The following BMP4 variants were observed in gnomAD, a reference collection of about 807,000 sequenced individuals.
BMP4 encodes the protein bone morphogenetic protein 2B.
Under a neutral mutation model 29.6 loss-of-function variants are expected in BMP4, and 3 were observed. The observed-to-expected ratio is 0.10, with a 90% CI of 0.05 to 0.26. BMP4 has a LOEUF of 0.26. Ranked by LOEUF, BMP4 falls within the 10% of genes least tolerant of loss-of-function variation. The probability of loss-of-function intolerance (pLI) is 1.00; values close to 1 mark genes in which losing one functional copy is unlikely to be tolerated. For synonymous variants in BMP4, 197 were observed against 213.2 expected, an observed-to-expected ratio of 0.92 and a Z score of 0.66; for missense variants, 455 against 550.2, an observed-to-expected ratio of 0.83 and a Z score of 1.73.
rs1424874116 is a variant in BMP4 at position 53,954,883 on chromosome 14, C to G, written c.-132-1483G>C. ...TCCGGAGCTCAAGAACTCGGGTTGC[C>G]TGCCGCCCCACTCTCCACGCACATA... is the stretch of plus-strand genomic sequence containing the variant. On this transcript the variant is annotated intron_variant, in intron 1 of 3. Transcript: ENST00000245451. This position sits in a 1 kb window ranked among gnomAD's most constrained non-coding sequence, Gnocchi z 4.8. Among the ~76,000 whole-genome samples the G allele has an allele frequency of 3.3e-5, 5 of 152,206 alleles. No individual in the cohort carries two copies. The highest frequency in any genetic ancestry group is 3.3e-4 in the Admixed American group (5 of 15,284).
intron 2 of BMP4, 64 bp from the exon 3 acceptor site, chr14:53,952,293 A>G (rs1203077538): frequency 1.2e-5 from 19 of 1,569,512 alleles, no homozygotes; most frequent in Non-Finnish European, 1.5e-5. Context: ...AGGGAGAAAT[A>G]GAGATGTGTC....
Position 53,950,451 on chromosome 14 carries a change from G to A in BMP4, c.808C>T (p.Pro270Ser). Residue 270 changes from proline (P) to serine (S), a missense_variant, in exon 4 of 4, where the codon CCC (proline) becomes TCC (serine). This residue lies in a region of BMP4 where 154 missense variants were observed against 156.8 expected (regional missense o/e 0.98). Coordinates refer to ENST00000245451, the MANE Select transcript of BMP4 (RefSeq NM_001202.6). The surrounding 1 kb of genome is among the most constrained non-coding windows in gnomAD (Gnocchi z 5.4). ...TCATGGCCAAAGGTGACCAGGAGGG[G>A]CCGGAGCTGGGCCCAATTCCCACTC... ...QGSGNWAQLR[P>S]LLVTFGHDGR... 2 of 1,613,880 alleles carry A rather than the reference G, an allele frequency of 1.2e-6. No homozygotes were observed. The highest frequency in any genetic ancestry group is 8.5e-7 in the Non-Finnish European group (1 of 1,180,048).
In BMP4 at chr14:53,950,680, C is replaced by A; in HGVS notation, c.579G>T (p.Gly193=). ...TGTCCAGTAGTCGTGTGATGAGGTGCCCAGGCACCACTTCTGCTGGGGGCT... is the reference window on the plus strand; with the variant it reads ...TGTCCAGTAGTCGTGTGATGAGGTGACCAGGCACCACTTCTGCTGGGGGCT... ...VMKPPAEVVP[G]HLITRLLDTR... is the part of the protein sequence containing the mutation. Residue 193 remains glycine (G), a synonymous_variant, in exon 4 of 4, where the codon GGG becomes GGT. Coordinates refer to ENST00000245451, the MANE Select transcript of BMP4 (RefSeq NM_001202.6). This position sits in a 1 kb window ranked among gnomAD's most constrained non-coding sequence, Gnocchi z 5.4. 6.2e-7 allele frequency: 1 copy of A among 1,614,250 alleles called. No homozygotes were observed. Among genetic ancestry groups the A allele is most frequent in the Non-Finnish European group, 8.5e-7 (1 of 1,180,052 alleles).
Position 53,950,119 on chromosome 14 carries a change from G to A in BMP4, c.1140C>T (p.Ala380=). ...ACTCATCCAGGTACAGCATGGAGATGGCACTCAGTTCAGTGGGCACACAAC... is the reference window on the plus strand; with the variant it reads ...ACTCATCCAGGTACAGCATGGAGATAGCACTCAGTTCAGTGGGCACACAAC... ...KACCVPTELS[A]ISMLYLDEYD... Residue 380 remains alanine (A), a synonymous_variant, in exon 4 of 4, where the codon GCC becomes GCT. Coordinates refer to ENST00000245451, the MANE Select transcript of BMP4 (RefSeq NM_001202.6). The surrounding 1 kb of genome is among the most constrained non-coding windows in gnomAD (Gnocchi z 5.4). 2 of 1,614,138 alleles carry A rather than the reference G, an allele frequency of 1.2e-6. No homozygotes were observed. Among genetic ancestry groups the A allele is most frequent in the Middle Eastern group, 1.6e-4 (1 of 6,062 alleles).
rs886050541 is a variant in BMP4, at chr14:53,951,935, T to C, written c.288A>G (p.Glu96=). The part of the protein sequence containing the change: ...LYRLQSGEEE[E]EQIHSTGLEY... ...CAAGACCAGTGCTGTGGATCTGCTC[T>C]TCCTCCTCCTCCCCAGACTGAAGCC... Residue 96 remains glutamate, a synonymous_variant, in exon 3 of 4, where the codon GAA becomes GAG. Transcript: ENST00000245451. The C allele has an allele frequency of 1.9e-6, 3 of 1,607,322 alleles. No homozygotes were observed. The highest frequency in any genetic ancestry group is 2.5e-6 in the Non-Finnish European group (3 of 1,179,984).
chr14:53,952,268 T>C lies in BMP4; in HGVS notation c.-7-39A>G, dbSNP rs2761880. 0.94 allele frequency: 1,502,740 copies of C among 1,603,892 alleles called. 712,947 individuals are homozygous for C. The highest frequency in any genetic ancestry group is 0.98 in the Non-Finnish European group (1,151,977 of 1,174,274). On this transcript the variant is annotated intron_variant, in intron 2 of 3. Coordinates refer to ENST00000245451, the MANE Select transcript of BMP4 (RefSeq NM_001202.6). ...GGGGAGTGGAAGGTTAAAGAATAAA[T>C]AAACACCAATAAATAGGGAGAAATA...
chr14:53,953,592 C>T, intron 1 of BMP4, 192 bp from the exon 2 acceptor site: 1 of 354,684 alleles, frequency 2.8e-6, no homozygotes, highest in East Asian at 4.1e-5. Context: ...ACCTCCGCGC[C>T]CGCCGCCCGA....
intron 1 of BMP4, 40 bp downstream of exon 1, chr14:53,956,510 C>T (rs539944262): frequency 2.8e-4 from 111 of 399,598 alleles, no homozygotes; most frequent in African/African-American, 2.2e-3. Flanking sequence ...GCTCCTAGAC[C>T]CCCTCTGCCT....
In BMP4 at chr14:53,955,336, C is replaced by G. The variant is rs957752131; in HGVS notation, c.-133+1214G>C. 1 of 152,224 alleles carries G rather than the reference C, an allele frequency of 6.6e-6. No homozygotes were observed. The highest frequency in any genetic ancestry group is 1.5e-5 in the Non-Finnish European group (1 of 68,054). 9.4% of individuals were successfully genotyped at this position (152,224 alleles called of 1,614,324 possible). On this transcript the variant is annotated intron_variant, in intron 1 of 3. Transcript: ENST00000245451. This position sits in a 1 kb window ranked among gnomAD's most constrained non-coding sequence, Gnocchi z 4.0. ...AGGAATCTCCTGGGGCGGGAGAGCG[C>G]GGTTCTAAAACCGAGAGGATAGGAA... is the stretch of plus-strand genomic sequence containing the variant.
At position 53,950,253 on chromosome 14, in the gene BMP4, A is replaced by G; in HGVS notation, c.1006T>C (p.Tyr336His). The G allele has an allele frequency of 6.2e-7, 1 of 1,614,264 alleles. No individual in the cohort carries two copies. The highest frequency in any genetic ancestry group is 8.5e-7 in the Non-Finnish European group (1 of 1,180,044). ...IVAPPGYQAF[Y>H]CHGDCPFPLA... ...GGAAAGGGGCAGTCCCCATGGCAGT[A>G]GAAGGCCTGGTAGCCTGGTGGGGCC... The change falls in exon 4 of 4, where the codon TAC becomes CAC. Residue 336 changes from tyrosine to histidine, a missense_variant. Tyr to His is a moderately conservative substitution (Grantham distance 83, BLOSUM62 2). Around this residue, in one of 4 missense-constraint regions of BMP4, gnomAD observed 48 missense variants for 90.4 expected, o/e 0.53. Coordinates refer to ENST00000245451, the MANE Select transcript of BMP4 (RefSeq NM_001202.6). The surrounding 1 kb of genome is among the most constrained non-coding windows in gnomAD (Gnocchi z 5.4).
rs573321283 is a variant in BMP4, at chr14:53,952,310, T to A, written c.-7-81A>T. The A allele has an allele frequency of 5.9e-6, 9 of 1,516,422 alleles. No individual in the cohort carries two copies. In the South Asian group the frequency reaches 1.1e-4, roughly 18 times the overall value. The allele number at this position is 1,516,422 out of a possible 1,614,324, so 93.9% of individuals were successfully genotyped here. On this transcript the variant is annotated intron_variant, in intron 2 of 3. Transcript: ENST00000245451. ...GGAGAAATAGAGATGTGTCTGCATA[T>A]GCATTTAGGGCTAGAAATGGAGGGG...
At position 53,950,028 on chromosome 14, in the gene BMP4, G is replaced by C; in HGVS notation, c.*4C>G. On this transcript the variant is annotated 3_prime_UTR_variant, in exon 4 of 4. Transcript: ENST00000245451. This position sits in a 1 kb window ranked among gnomAD's most constrained non-coding sequence, Gnocchi z 5.4. ...ATCTGTCTATCCTCAAGGACTGCCT[G>C]ATCTCAGCGGCACCCACATCCCTCT... 6.2e-7 allele frequency: 1 copy of C among 1,613,812 alleles called. No homozygotes were observed. Among genetic ancestry groups the C allele is most frequent in the Non-Finnish European group, 8.5e-7 (1 of 1,179,970 alleles).
intron 2 of BMP4, among the ~76,000 whole-genome samples, chr14:53,952,584 G>A (rs561201405): frequency 8.5e-5 from 13 of 152,176 alleles, no homozygotes; most frequent in African/African-American, 3.1e-4. Flanking sequence ...AACATTGAGG[G>A]GGTGAAAAGG....
Position 53,956,537 on chromosome 14 carries a change from T to C in BMP4, c.-133+13A>G. ...CCTCTGCCTGTCTCCCCTCACCAGGTAGCCTTGCTCACCATAGGTCCCTGC... is the reference window on the plus strand; with the variant it reads ...CCTCTGCCTGTCTCCCCTCACCAGGCAGCCTTGCTCACCATAGGTCCCTGC... On this transcript the variant is annotated intron_variant, in intron 1 of 3. Coordinates refer to ENST00000245451, the MANE Select transcript of BMP4 (RefSeq NM_001202.6). 2 of 399,574 alleles carry C rather than the reference T, an allele frequency of 5.0e-6. No homozygotes were observed. 24.8% of individuals were successfully genotyped at this position (399,574 alleles called of 1,614,324 possible). A position where few individuals can be genotyped will look rare whatever the true frequency, so the allele number is the denominator to read the frequency against.
intron 2 of BMP4, among the ~76,000 whole-genome samples, 194 bp downstream of exon 2, chr14:53,953,082 C>T (rs555894321): frequency 2.0e-4 from 31 of 152,280 alleles, no homozygotes; most frequent in Non-Finnish European, 4.0e-4. Flanking sequence ...GGCGAGTGCG[C>T]GCTAGCAGCA....
In BMP4 at chr14:53,955,355, A is replaced by C. The variant is rs1198733451; in HGVS notation, c.-133+1195T>G. On this transcript the variant is annotated intron_variant, in intron 1 of 3. Transcript: ENST00000245451. This position sits in a 1 kb window ranked among gnomAD's most constrained non-coding sequence, Gnocchi z 4.0. ...AGAGCGCGGTTCTAAAACCGAGAGG[A>C]TAGGAAGGGGAAGGGGGAGTTGTGT... The C allele has an allele frequency of 3.3e-5, 5 of 152,198 alleles. No homozygotes were observed. The highest frequency in any genetic ancestry group is 1.2e-4 in the African/African-American group (5 of 41,438). The allele number at this position is 152,198 out of a possible 1,614,324, so 9.4% of individuals were successfully genotyped here. A position where few individuals can be genotyped will look rare whatever the true frequency, so the allele number is the denominator to read the frequency against.
In BMP4 at chr14:53,952,052, G is replaced by C. The variant is rs763439953; in HGVS notation, c.171C>G (p.Phe57Leu). ...CAAACATCTGCAGAAGTGTCGCCTC[G>C]AAGTCCCGCAGGAGCTCATGGCTCT... is the stretch of plus-strand genomic sequence containing the variant. Reference protein sequence around the residue: ...SGQSHELLRDFEATLLQMFGL... With the variant: ...SGQSHELLRDLEATLLQMFGL... Residue 57 changes from phenylalanine (F) to leucine (L), a missense_variant, in exon 3 of 4, where the codon TTC (phenylalanine) becomes TTG (leucine). This residue lies in a region of BMP4 where 249 missense variants were observed against 284.6 expected (regional missense o/e 0.87). Coordinates refer to ENST00000245451, the MANE Select transcript of BMP4 (RefSeq NM_001202.6). 2 of 1,614,168 alleles carry C rather than the reference G, an allele frequency of 1.2e-6. No homozygotes were observed. The highest frequency in any genetic ancestry group is 1.7e-5 in the Admixed American group (1 of 60,032).
Position 53,952,206 on chromosome 14 carries a change from C to T in BMP4, c.17G>A (p.Arg6Gln), listed in dbSNP as rs377379589. ...GCATAATAAAACGACCATCAGCATT[C>T]GGTTACCAGGAATCATGGTGTCTCT... MIPGNRMLMVVLLCQV... is the reference protein window; with the variant it reads MIPGNQMLMVVLLCQV... Residue 6 changes from arginine (R) to glutamine (Q), a missense_variant, in exon 3 of 4, where the codon CGA (arginine) becomes CAA (glutamine). Arg to Gln is a conservative substitution (Grantham distance 43, BLOSUM62 1). Around this residue, in one of 4 missense-constraint regions of BMP4, gnomAD observed 249 missense variants for 284.6 expected, o/e 0.87. Coordinates refer to ENST00000245451, the MANE Select transcript of BMP4 (RefSeq NM_001202.6). The T allele has an allele frequency of 3.1e-6, 5 of 1,613,876 alleles. No homozygotes were observed. In the South Asian group the frequency reaches 3.3e-5, roughly 11 times the overall value.
intron 1 of BMP4, among the ~76,000 whole-genome samples, chr14:53,953,947 A>T (rs1312112892): frequency 2.0e-5 from 3 of 150,122 alleles, no homozygotes; most frequent in Non-Finnish European, 4.4e-5. Context: ...ACACACACAC[A>T]AGCAAACACG....
Sources: gnomAD v4.1 joint callset for allele counts (sites outside exome capture counted in the v4.1 genomes callset) on GRCh38, gnomAD v4.1.1 for gene constraint, gnomAD v4.1.1 regional missense constraint, Gnocchi (gnomAD v3.1) non-coding constraint, MANE v1.5 for transcripts, NCBI Gene and HGNC (gene_info 2026-07-23, HGNC 2026-07-21) for gene names.